Variants in F2 observed in about 807,000 individuals in gnomAD.
F2 encodes the protein prothrombin.
A neutral mutation model predicts 81.9 loss-of-function variants in F2; 34 were observed. That is an observed-to-expected ratio of 0.42 (90% CI 0.32 to 0.55). The LOEUF is 0.55. Among genes scored for constraint, F2 ranks in the 20% least tolerant of loss-of-function variants. The pLI, the probability that F2 is intolerant of heterozygous loss-of-function variation, is 0.18. For synonymous variants in F2, 296 were observed against 326.4 expected, an observed-to-expected ratio of 0.91 and a Z score of 1.01; for missense variants, 630 against 833.4, an observed-to-expected ratio of 0.76 and a Z score of 3.00.
At chr11:46,735,893 G>A (rs2064941439) in intron 12 of F2, among the ~76,000 whole-genome samples, 2 of 151,440 alleles carry the variant, frequency 1.3e-5, no homozygotes, top group Admixed American at 1.3e-4. Flanking sequence ...TTGCACTCCA[G>A]CCTGGGCAAC....
intron 4 of F2, among the ~76,000 whole-genome samples, chr11:46,721,164 C>T (rs1164112995): frequency 2.0e-5 from 3 of 152,048 alleles, no homozygotes; most frequent in Middle Eastern, 6.8e-3. Context: ...CTGCCTCAAC[C>T]TCCCAAGTAG....
At chr11:46,720,263 C>G in intron 2 of F2, 1 of 579,092 alleles carries the variant, frequency 1.7e-6, no homozygotes, top group Non-Finnish European at 3.1e-6. Flanking sequence ...CTGTAGGGCT[C>G]TGCCAGGGTC....
chr11:46,737,441 C>CT (rs71042617), intron 12 of F2, among the ~76,000 whole-genome samples: 11,870 of 94,242 alleles, frequency 0.13, 2,520 homozygotes, highest in African/African-American at 0.42. Context: ...CGTGCCTGGC[C>CT]TTTTTTTTTT....
In F2 at chr11:46,726,806, G is replaced by A. The variant is rs543132235; in HGVS notation, c.1099G>A (p.Gly367Ser). The A allele has an allele frequency of 6.2e-7, 1 of 1,614,164 alleles. No homozygotes were observed. Among genetic ancestry groups the A allele is most frequent in the South Asian group, 1.1e-5 (1 of 91,080 alleles). ...CTACATCGACGGGCGCATTGTGGAGGGCTCGGATGCAGAGATCGGCATGTC... is the reference window on the plus strand; with the variant it reads ...CTACATCGACGGGCGCATTGTGGAGAGCTCGGATGCAGAGATCGGCATGTC... ...ESYIDGRIVEGSDAEIGMSPW... is the reference protein window; with the variant it reads ...ESYIDGRIVESSDAEIGMSPW... Residue 367 changes from glycine (G) to serine (S), a missense_variant, in exon 9 of 14, where the codon GGC becomes AGC. Gly to Ser is a moderately conservative substitution (Grantham distance 56). Transcript: ENST00000311907. This position sits in a 1 kb window ranked among gnomAD's most constrained non-coding sequence, Gnocchi z 5.9.
chr11:46,728,167 C>T lies in F2; in HGVS notation c.1298+4C>T, dbSNP rs1565704950. ...TTGGCAAGCACTCCCGCACCAGGTACAGAACTGGTGGCCCGTGGGTGTCTG... is the reference window on the plus strand; with the variant it reads ...TTGGCAAGCACTCCCGCACCAGGTATAGAACTGGTGGCCCGTGGGTGTCTG... On this transcript the variant is annotated splice_donor_region_variant and intron_variant, in intron 10 of 13. Transcript: ENST00000311907. The surrounding 1 kb of genome is among the most constrained non-coding windows in gnomAD (Gnocchi z 5.1). 3 of 1,606,502 alleles carry T rather than the reference C, an allele frequency of 1.9e-6. No homozygotes were observed. The highest frequency in any genetic ancestry group is 2.2e-5 in the East Asian group (1 of 44,760).
chr11:46,737,839 C>CTT (rs112666449), intron 12 of F2, among the ~76,000 whole-genome samples: 9 of 141,354 alleles, frequency 6.4e-5, no homozygotes, highest in African/African-American at 2.1e-4. Context: ...CTCTTGCTAG[C>CTT]TTTTTTTTTT....
Position 46,726,507 on chromosome 11 carries a change from T to G in F2, c.884T>G (p.Val295Gly). The G allele has an allele frequency of 6.2e-7, 1 of 1,613,608 alleles. No individual in the cohort carries two copies. The highest frequency in any genetic ancestry group is 8.5e-7 in the Non-Finnish European group (1 of 1,179,796). ...YCDLNYCEEA[V>G]EEETGDGLDE... Reference sequence around the variant, plus strand: ...GCCTGGGTCCCAACAGAGGAGGCCGTGGAGGAGGAGACAGGAGATGGGCTG... The same window carrying G: ...GCCTGGGTCCCAACAGAGGAGGCCGGGGAGGAGGAGACAGGAGATGGGCTG... The change falls in exon 8 of 14, where the codon GTG (valine) becomes GGG (glycine). Residue 295 changes from valine (V) to glycine (G), a missense_variant. Transcript: ENST00000311907. The surrounding 1 kb of genome is among the most constrained non-coding windows in gnomAD (Gnocchi z 5.9).
chr11:46,729,328 G>C, intron 11 of F2, 52 bp from the exon 12 acceptor site: 1 of 1,588,452 alleles, frequency 6.3e-7, no homozygotes, highest in South Asian at 1.1e-5. Flanking sequence ...GTTGGGGCCA[G>C]GCGGCTCCTG....
chr11:46,727,208 G>T (rs1438560698), intron 9 of F2, among the ~76,000 whole-genome samples: 1 of 151,996 alleles, frequency 6.6e-6, no homozygotes, highest in Non-Finnish European at 1.5e-5. Flanking sequence ...TTTAAGTAGA[G>T]ACAGGGTTTC....
chr11:46,734,671 C>T (rs371688771), intron 12 of F2, among the ~76,000 whole-genome samples: 24 of 151,960 alleles, frequency 1.6e-4, no homozygotes, highest in Admixed American at 1.6e-3. Flanking sequence ...ATTAGCTGGG[C>T]GTGGTGGCTG....
chr11:46,736,949 C>T lies in F2; in HGVS notation c.1655-2099C>T, dbSNP rs569316263. 2.6e-5 allele frequency among the ~76,000 whole-genome samples: 4 copies of T among 152,236 alleles called. No homozygotes were observed. The South Asian group carries it at 6.2e-4, about 24-fold the overall frequency. ...AGTCATTTTATCCAAGGATAAGAAACGTTTTCCTATTTGCTCAAGTCTATT... is the reference window on the plus strand; with the variant it reads ...AGTCATTTTATCCAAGGATAAGAAATGTTTTCCTATTTGCTCAAGTCTATT... On this transcript the variant is annotated intron_variant, in intron 12 of 13. Transcript: ENST00000311907.
Position 46,719,727 on chromosome 11 carries a change from G to T in F2, c.105G>T (p.Arg35=). ...TGTTCCTGGCTCCTCAGCAAGCACG[G>T]TCGCTGCTCCAGCGGGTCCGGCGAG... ...QHVFLAPQQA[R]SLLQRVRRAN... The change falls in exon 2 of 14, where the codon CGG becomes CGT. Residue 35 remains arginine (R), a synonymous_variant. Coordinates refer to ENST00000311907, the MANE Select transcript of F2 (RefSeq NM_000506.5). This position sits in a 1 kb window ranked among gnomAD's most constrained non-coding sequence, Gnocchi z 4.7. The T allele has an allele frequency of 6.3e-6, 10 of 1,594,822 alleles. No homozygotes were observed. The highest frequency in any genetic ancestry group is 8.5e-6 in the Non-Finnish European group (10 of 1,172,036).
At chr11:46,730,813 G>A (rs552165677) in intron 12 of F2, among the ~76,000 whole-genome samples, 67 of 135,528 alleles carry the variant, frequency 4.9e-4, no homozygotes, top group African/African-American at 1.8e-3. Flanking sequence ...TAGTTTGAGA[G>A]CAAATCATGA....
In F2 at chr11:46,739,478, T is replaced by A; in HGVS notation, c.*70T>A. 6.3e-7 allele frequency: 1 copy of A among 1,599,606 alleles called. No individual in the cohort carries two copies. Among genetic ancestry groups the A allele is most frequent in the Non-Finnish European group, 8.5e-7 (1 of 1,171,130 alleles). Reference sequence around the variant, plus strand: ...AATTATTTTTGTGTTTCTAAAACTATGGTTCCCAATAAAAGTGACTCTCAG... The same window carrying A: ...AATTATTTTTGTGTTTCTAAAACTAAGGTTCCCAATAAAAGTGACTCTCAG... On this transcript the variant is annotated 3_prime_UTR_variant, in exon 14 of 14. Transcript: ENST00000311907.
rs1227106357 is a variant in F2, at chr11:46,719,424, C to T, written c.79+110C>T. 7.6e-7 allele frequency: 1 copy of T among 1,309,572 alleles called. No homozygotes were observed. The highest frequency in any genetic ancestry group is 2.0e-5 in the Admixed American group (1 of 50,776). 81.1% of individuals were successfully genotyped at this position (1,309,572 alleles called of 1,614,324 possible). A position where few individuals can be genotyped will look rare whatever the true frequency, so the allele number is the denominator to read the frequency against. The stretch of plus-strand genomic sequence containing the variant: ...ACAGAGCTGGCCCCTAAGTAGGTCT[C>T]AGCCCCAGGCGGCCAGCTTAGGGAA... On this transcript the variant is annotated intron_variant, in intron 1 of 13. Coordinates refer to ENST00000311907, the MANE Select transcript of F2 (RefSeq NM_000506.5). The surrounding 1 kb of genome is among the most constrained non-coding windows in gnomAD (Gnocchi z 4.7).
At chr11:46,738,370 G>A (rs1185236545) in intron 12 of F2, among the ~76,000 whole-genome samples, 3 of 152,048 alleles carry the variant, frequency 2.0e-5, no homozygotes, top group Non-Finnish European at 4.4e-5. Context: ...GGATACGTGG[G>A]GAGATTTGGA....
At position 46,720,856 on chromosome 11, in the gene F2, G is replaced by A. The variant is rs775927207; in HGVS notation, c.316+16G>A. On this transcript the variant is annotated intron_variant, in intron 4 of 13. Coordinates refer to ENST00000311907, the MANE Select transcript of F2 (RefSeq NM_000506.5). ...TGTCTGGAAGGTGAGCAACTGACAC[G>A]GGTTTGGGGAGCAGGACATGGAGGG... The A allele has an allele frequency of 7.6e-5, 122 of 1,613,680 alleles. No homozygotes were observed. Among genetic ancestry groups the A allele is most frequent in the South Asian group, 2.1e-4 (19 of 91,088 alleles).
At chr11:46,739,182 T>TA in intron 13 of F2, 64 bp downstream of exon 13, 1 of 1,613,392 alleles carries the variant, frequency 6.2e-7, no homozygotes, top group Non-Finnish European at 8.5e-7. Context: ...GAAACTCTAG[T>TA]ATCTAGAAAC....
At chr11:46,721,425 C>T (rs892481694) in intron 4 of F2, among the ~76,000 whole-genome samples, 5 of 152,184 alleles carry the variant, frequency 3.3e-5, no homozygotes, top group Non-Finnish European at 7.3e-5. Context: ...ATGTCACATT[C>T]CCCTTCTAGC....
Sources: gnomAD v4.1 joint callset for allele counts (sites outside exome capture counted in the v4.1 genomes callset) on GRCh38, gnomAD v4.1.1 for gene constraint, Gnocchi (gnomAD v3.1) non-coding constraint, MANE v1.5 for transcripts, NCBI Gene and HGNC (gene_info 2026-07-23, HGNC 2026-07-21) for gene names.